MMP16: variants seen among roughly 807,000 people sequenced by gnomAD.
MMP16 encodes matrix metalloproteinase-16.
A neutral mutation model predicts 67.8 loss-of-function variants in MMP16; 12 were observed. That is an observed-to-expected ratio of 0.18 (90% CI 0.11 to 0.29). The LOEUF (loss-of-function observed/expected upper bound fraction) is 0.29. Among genes scored for constraint, MMP16 ranks in the 10% least tolerant of loss-of-function variants. The pLI is 1.00. For missense variants in MMP16, 475 were observed against 765.7 expected (o/e 0.62, Z 4.48); for synonymous variants, 249 against 255.9 (o/e 0.97, Z 0.26).
intron 1 of MMP16, among the ~76,000 whole-genome samples, chr8:88,313,858 T>C (rs1811336783): frequency 6.6e-6 from 1 of 152,106 alleles, no homozygotes; most frequent in Non-Finnish European, 1.5e-5. Context: ...AGAGAGCTTG[T>C]GCAGAGAAAC....
At chr8:88,087,978 C>A (rs1211744322) in intron 6 of MMP16, among the ~76,000 whole-genome samples, 1 of 138,776 alleles carries the variant, frequency 7.2e-6, no homozygotes, top group Non-Finnish European at 1.5e-5. Context: ...AATGTACATA[C>A]ATATATATCT....
At chr8:88,273,368 G>A (rs542809549) in intron 1 of MMP16, among the ~76,000 whole-genome samples, 1 of 151,684 alleles carries the variant, frequency 6.6e-6, no homozygotes, top group African/African-American at 2.4e-5. Context: ...TGGGATTACA[G>A]GCGTGAGCCA....
intron 1 of MMP16, among the ~76,000 whole-genome samples, chr8:88,257,690 C>T (rs1810324872): frequency 6.6e-6 from 1 of 152,132 alleles, no homozygotes; most frequent in Non-Finnish European, 1.5e-5. Context: ...GGAGTATAAA[C>T]ACTATGCATT....
intron 1 of MMP16, among the ~76,000 whole-genome samples, chr8:88,326,053 A>T (rs928897665): frequency 1.3e-5 from 2 of 152,262 alleles, no homozygotes; most frequent in Non-Finnish European, 2.9e-5. Flanking sequence ...TAAGAAAAAA[A>T]ATCACATTAT....
intron 1 of MMP16, among the ~76,000 whole-genome samples, chr8:88,207,223 C>T (rs929481247): frequency 1.3e-5 from 2 of 152,062 alleles, no homozygotes; most frequent in Non-Finnish European, 2.9e-5. Flanking sequence ...GGTGTTATTC[C>T]TAGTTGAGAG....
chr8:88,102,975 A>G (rs528092193), intron 6 of MMP16, among the ~76,000 whole-genome samples: 1 of 151,870 alleles, frequency 6.6e-6, no homozygotes, highest in South Asian at 2.1e-4. Flanking sequence ...TTCTTAGTCT[A>G]TTCTGTTGGC....
In MMP16 at chr8:88,294,178, ATG is replaced by A. The variant is rs1328313895; in HGVS notation, c.132+32895_132+32896del. 2.7e-5 allele frequency among the ~76,000 whole-genome samples: 4 copies of A among 150,286 alleles called. No homozygotes were observed. In the East Asian group the frequency reaches 7.8e-4, roughly 29 times the overall value. On this transcript the variant is annotated intron_variant, in intron 1 of 9. Coordinates refer to ENST00000286614, the MANE Select transcript of MMP16 (RefSeq NM_005941.5). ...TATACATGTGTATATATAATTATAT[ATG>A]TCTATATATACACATATATAGACTA...
intron 4 of MMP16, among the ~76,000 whole-genome samples, chr8:88,119,355 ATATT>A (rs1170440667): frequency 6.6e-6 from 1 of 152,068 alleles, no homozygotes; most frequent in African/African-American, 2.4e-5. Flanking sequence ...GGGACTCAAG[ATATT>A]TTGACTCCTA....
intron 6 of MMP16, among the ~76,000 whole-genome samples, chr8:88,090,388 T>C (rs1334677350): frequency 1.3e-5 from 2 of 151,986 alleles, no homozygotes; most frequent in Non-Finnish European, 2.9e-5. Flanking sequence ...TTGCTTTAAT[T>C]TTATAATTAT....
chr8:88,288,101 CATTTACTTT>C (rs1810862544), intron 1 of MMP16, among the ~76,000 whole-genome samples: 1 of 152,216 alleles, frequency 6.6e-6, no homozygotes, highest in Non-Finnish European at 1.5e-5. Flanking sequence ...CTCAAAGCCT[CATTTACTTT>C]AGACTCACAA....
chr8:88,145,259 C>T (rs1808272226), intron 4 of MMP16, among the ~76,000 whole-genome samples: 1 of 151,860 alleles, frequency 6.6e-6, no homozygotes, highest in Non-Finnish European at 1.5e-5. Flanking sequence ...ACCTGAACAG[C>T]CATGTTCCTG....
intron 1 of MMP16, among the ~76,000 whole-genome samples, chr8:88,200,322 C>A (rs1809322767): frequency 6.6e-6 from 1 of 151,964 alleles, no homozygotes; most frequent in Non-Finnish European, 1.5e-5. Context: ...CTTTTGAGAA[C>A]ACTGAAAAAA....
At chr8:88,279,499 A>T (rs536585078) in intron 1 of MMP16, among the ~76,000 whole-genome samples, 2 of 152,290 alleles carry the variant, frequency 1.3e-5, no homozygotes, top group South Asian at 4.1e-4. Context: ...TTAGAACAAC[A>T]TCAAAGGAAA....
At chr8:88,049,869 C>A (rs1015001179) in intron 8 of MMP16, among the ~76,000 whole-genome samples, 2 of 151,964 alleles carry the variant, frequency 1.3e-5, no homozygotes, top group Admixed American at 1.3e-4. Flanking sequence ...ACCAAAAACT[C>A]AAAAAACTAG....
intron 1 of MMP16, among the ~76,000 whole-genome samples, chr8:88,235,548 C>A (rs1389904702): frequency 6.6e-6 from 1 of 152,022 alleles, no homozygotes; most frequent in African/African-American, 2.4e-5. Flanking sequence ...TTTTGTTTTT[C>A]TATGACGTAG....
intron 6 of MMP16, among the ~76,000 whole-genome samples, chr8:88,102,685 T>C (rs1488205148): frequency 1.3e-5 from 2 of 151,844 alleles, no homozygotes; most frequent in East Asian, 3.9e-4. Context: ...ATCCTGAAAC[T>C]ACCTAGGTAG....
intron 1 of MMP16, among the ~76,000 whole-genome samples, chr8:88,297,261 T>C (rs1384070621): frequency 6.6e-6 from 1 of 152,002 alleles, no homozygotes. Context: ...AAGGCTGCTA[T>C]TAATGGAAGA....
At chr8:88,307,316 T>C (rs1464021223) in intron 1 of MMP16, among the ~76,000 whole-genome samples, 1 of 152,112 alleles carries the variant, frequency 6.6e-6, no homozygotes, top group Non-Finnish European at 1.5e-5. Flanking sequence ...TGAATGAAAG[T>C]CTTGAATAAA....
At chr8:88,140,668 T>C (rs1808198279) in intron 4 of MMP16, among the ~76,000 whole-genome samples, 1 of 152,140 alleles carries the variant, frequency 6.6e-6, no homozygotes, top group South Asian at 2.1e-4. Flanking sequence ...TATAACTAAG[T>C]TCTTTTTAAT....
Sources: gnomAD v4.1 joint callset for allele counts (sites outside exome capture counted in the v4.1 genomes callset) on GRCh38, gnomAD v4.1.1 for gene constraint, MANE v1.5 for transcripts, NCBI Gene and HGNC (gene_info 2026-07-23, HGNC 2026-07-21) for gene names.